PXT1: variants seen among roughly 807,000 people sequenced by gnomAD.
PXT1 encodes peroxisomal testis enriched protein 1.
Under a neutral mutation model 11.0 loss-of-function variants are expected in PXT1, and 11 were observed. That is an observed-to-expected ratio of 1.00 (90% CI 0.63 to 1.66). The LOEUF (loss-of-function observed/expected upper bound fraction) is 1.66. PXT1 is among the 40% of genes most tolerant of loss of function. PXT1 has a pLI of 0.00. For missense variants in PXT1, 141 were observed against 155.5 expected (o/e 0.91, Z 0.49); for synonymous variants, 43 against 51.4 (o/e 0.84, Z 0.70).
At chr6:36,431,879 T>G (rs989105445) in intron 2 of PXT1, among the ~76,000 whole-genome samples, 1 of 152,142 alleles carries the variant, frequency 6.6e-6, no homozygotes, top group Non-Finnish European at 1.5e-5. Flanking sequence ...GAGACCAGCC[T>G]GGCTAACATG....
chr6:36,400,832 TGGTGACG>T (rs2127410668), intron 3 of PXT1, among the ~76,000 whole-genome samples: 1 of 152,214 alleles, frequency 6.6e-6, no homozygotes, highest in Admixed American at 6.5e-5. Flanking sequence ...TAGCTGGATG[TGGTGACG>T]GGTGCCTGTA....
chr6:36,439,589 G>T (rs1056854204), intron 1 of PXT1, among the ~76,000 whole-genome samples: 2 of 150,674 alleles, frequency 1.3e-5, no homozygotes, highest in African/African-American at 4.9e-5. Context: ...CTCAAGCCTG[G>T]GCGACAGAGG....
chr6:36,418,053 G>A (rs531414350), intron 3 of PXT1, among the ~76,000 whole-genome samples: 4 of 152,026 alleles, frequency 2.6e-5, no homozygotes, highest in East Asian at 1.9e-4. Flanking sequence ...AAAATTAGCC[G>A]GGCGTGGTGG....
intron 2 of PXT1, among the ~76,000 whole-genome samples, chr6:36,431,643 T>C (rs1352010368): frequency 6.6e-6 from 1 of 152,168 alleles, no homozygotes; most frequent in Admixed American, 6.5e-5. Flanking sequence ...GGCATGTGCC[T>C]GTGGTCCCAG....
intron 4 of PXT1, chr6:36,392,096 CT>C: frequency 2.2e-6 from 1 of 458,922 alleles, no homozygotes; most frequent in Non-Finnish European, 3.9e-6. Flanking sequence ...ATCTGACCGT[CT>C]TTCCCACCTG....
chr6:36,419,662 G>C (rs1221136627), intron 3 of PXT1, among the ~76,000 whole-genome samples: 1 of 152,202 alleles, frequency 6.6e-6, no homozygotes, highest in Non-Finnish European at 1.5e-5. Flanking sequence ...GTACTCAATA[G>C]ATATTTGTTG....
chr6:36,409,863 AG>A (rs1561927836), intron 3 of PXT1, among the ~76,000 whole-genome samples: 4 of 145,704 alleles, frequency 2.7e-5, no homozygotes, highest in African/African-American at 1.0e-4. Flanking sequence ...GGAAGGAAGG[AG>A]AAAGAAAAGA....
At position 36,396,231 on chromosome 6, in the gene PXT1, C is replaced by T. The variant is rs116619277; in HGVS notation, c.300+4223G>A. On this transcript the variant is annotated intron_variant, in intron 4 of 4. Transcript: ENST00000454782. ...GCCAATGATGGCAATGGCTGCTGTCCTCATGCTGGCTGCAGCAGGAAGGTG... is the reference window on the plus strand; with the variant it reads ...GCCAATGATGGCAATGGCTGCTGTCTTCATGCTGGCTGCAGCAGGAAGGTG... Among the ~76,000 whole-genome samples the T allele has an allele frequency of 9.5e-3, 1,454 of 152,318 alleles. 24 individuals carry two copies. Among genetic ancestry groups the T allele is most frequent in the African/African-American group, 0.033 (1,361 of 41,562 alleles).
At position 36,425,909 on chromosome 6, in the gene PXT1, CTTACCTGGG is replaced by C; in HGVS notation, c.165_169+4del. On this transcript the variant is annotated splice_donor_variant and splice_donor_region_variant and coding_sequence_variant and intron_variant, in exon 3 of 5. Transcript: ENST00000454782. LOFTEE classifies it high-confidence loss of function. ...ATTTATCTTAGTTTAATCCAAATAT[CTTACCTGGG>C]TTCCTTGACATGGCTGGAACTGGCT... 6.5e-7 allele frequency: 1 copy of C among 1,531,340 alleles called. No individual in the cohort carries two copies. The highest frequency in any genetic ancestry group is 8.7e-7 in the Non-Finnish European group (1 of 1,144,204). 94.9% of individuals were successfully genotyped at this position (1,531,340 alleles called of 1,614,324 possible).
At chr6:36,400,686 T>TG in intron 3 of PXT1, 102 bp from the exon 4 acceptor site, 2 of 1,286,726 alleles carry the variant, frequency 1.6e-6, no homozygotes, top group South Asian at 2.8e-5. Flanking sequence ...ATGAGAGGGT[T>TG]GGCCAGATGC....
chr6:36,413,862 G>A (rs774393578), intron 3 of PXT1, among the ~76,000 whole-genome samples: 4 of 152,110 alleles, frequency 2.6e-5, no homozygotes, highest in Non-Finnish European at 5.9e-5. Flanking sequence ...AGCCAGATGT[G>A]ATGGCATGAG....
chr6:36,415,194 G>A (rs1455225111), intron 3 of PXT1, among the ~76,000 whole-genome samples: 1 of 152,160 alleles, frequency 6.6e-6, no homozygotes, highest in Non-Finnish European at 1.5e-5. Context: ...TGTAATCCCA[G>A]CACTTTGGGA....
chr6:36,423,516 C>T (rs1307937055), intron 3 of PXT1, among the ~76,000 whole-genome samples: 1 of 152,254 alleles, frequency 6.6e-6, no homozygotes, highest in Admixed American at 6.5e-5. Flanking sequence ...CGTAGCTCGC[C>T]TCGGGCTCCT....
At chr6:36,400,383 T>C (rs1774196012) in intron 4 of PXT1, 71 bp downstream of exon 4, 15 of 1,562,036 alleles carry the variant, frequency 9.6e-6, no homozygotes. Context: ...TCTCAGACAC[T>C]TGGCAGCCGT....
At chr6:36,417,998 C>T (rs929892999) in intron 3 of PXT1, among the ~76,000 whole-genome samples, 1 of 151,540 alleles carries the variant, frequency 6.6e-6, no homozygotes, top group Admixed American at 6.6e-5. Context: ...AGATCGAGAC[C>T]ATCCTGGCTA....
intron 2 of PXT1, among the ~76,000 whole-genome samples, chr6:36,429,508 C>CTTTTTTTTTTTTTTTTTTTTT (rs112777415): frequency 9.2e-6 from 1 of 108,212 alleles, no homozygotes. Context: ...TTTTTCTTTT[C>CTTTTTTTTTTTTTTTTTTTTT]TTTTTTTTTT....
At position 36,413,194 on chromosome 6, in the gene PXT1, G is replaced by A. The variant is rs149662468; in HGVS notation, c.170-12610C>T. 1.9e-3 allele frequency among the ~76,000 whole-genome samples: 296 copies of A among 152,132 alleles called. 7 individuals are homozygous for A. Among genetic ancestry groups the A allele is most frequent in the African/African-American group, 6.7e-3 (280 of 41,514 alleles). ...AGCACTTTGGGAGGCCGAGGTGGGC[G>A]GATCACGAGGTCAGGAGATCAAGAC... On this transcript the variant is annotated intron_variant, in intron 3 of 4. Coordinates refer to ENST00000454782, the MANE Select transcript of PXT1 (RefSeq NM_152990.4).
chr6:36,423,687 C>T (rs1774559309), intron 3 of PXT1, among the ~76,000 whole-genome samples: 1 of 152,192 alleles, frequency 6.6e-6, no homozygotes, highest in South Asian at 2.1e-4. Context: ...CTCATTTCTT[C>T]AGTGGTATCA....
At chr6:36,403,336 A>G (rs1379504492) in intron 3 of PXT1, among the ~76,000 whole-genome samples, 1 of 152,240 alleles carries the variant, frequency 6.6e-6, no homozygotes, top group African/African-American at 2.4e-5. Context: ...CGGACCCTGA[A>G]CTAAAGCAGT....
Sources: allele counts gnomAD v4.1 joint callset (sites outside exome capture counted in the v4.1 genomes callset), GRCh38; gene constraint gnomAD v4.1.1; transcripts MANE v1.5; gene names NCBI Gene and HGNC (gene_info 2026-07-23, HGNC 2026-07-21).